TMEM164: variants seen among roughly 807,000 people sequenced by gnomAD.
The protein encoded by TMEM164 is transmembrane protein 164.
In TMEM164, 4 loss-of-function variants were observed where a neutral mutation model predicts 18.8. That is an observed-to-expected ratio of 0.21 (90% CI 0.10 to 0.49). TMEM164 has a LOEUF of 0.49. Ranked by LOEUF, TMEM164 falls within the 20% of genes least tolerant of loss-of-function variation. The pLI, the probability that TMEM164 is intolerant of heterozygous loss-of-function variation, is 0.98. For synonymous variants in TMEM164, 86 were observed against 101.7 expected, an observed-to-expected ratio of 0.85 and a Z score of 0.93; for missense variants, 108 against 239.9, an observed-to-expected ratio of 0.45 and a Z score of 3.63.
At chrX:110,020,610 G>A in intron 2 of TMEM164, 1 of 754,332 alleles carries the variant, frequency 1.3e-6, no homozygotes, top group Non-Finnish European at 1.6e-6. Flanking sequence ...GGCAGGAGCT[G>A]GTCCTCTATG....
chrX:110,175,949 T>C lies in TMEM164; in HGVS notation c.*2498T>C. 27 of 756,515 alleles carry C rather than the reference T, an allele frequency of 3.6e-5. No homozygotes were observed. The highest frequency in any genetic ancestry group is 4.2e-5 in the Non-Finnish European group (27 of 639,653). 62.3% of individuals were successfully genotyped at this position (756,515 alleles called of 1,213,427 possible). On this transcript the variant is annotated 3_prime_UTR_variant, in exon 7 of 7. Coordinates refer to ENST00000372068, the MANE Select transcript of TMEM164 (RefSeq NM_032227.4). The stretch of plus-strand genomic sequence containing the variant: ...TCATATCTGCCCTGTGCCGGCCCTC[T>C]ACTGCCCCAGCTTTGGTACAGGAGT...
At chrX:110,039,057 T>G (rs1023511066) in intron 2 of TMEM164, among the ~76,000 whole-genome samples, 10 of 111,676 alleles carry the variant, frequency 9.0e-5, no homozygotes, top group Non-Finnish European at 9.4e-5. Flanking sequence ...TTGGGGAAGT[T>G]TCTTAATTTC....
At position 110,144,857 on chromosome X, in the gene TMEM164, C is replaced by G. The variant is rs199774620; in HGVS notation, c.567C>G (p.Ile189Met). Reference sequence around the variant, plus strand: ...ATGTTATGCTCTACGTGGTACCCATCTACCTGCTTTGGAAAGGAGGTAAGG... The same window carrying G: ...ATGTTATGCTCTACGTGGTACCCATGTACCTGCTTTGGAAAGGAGGTAAGG... The part of the protein sequence containing the change: ...IQHVMLYVVP[I>M]YLLWKGGAYT... Residue 189 changes from isoleucine (I) to methionine (M), a missense_variant, in exon 5 of 7, where the codon ATC becomes ATG. Transcript: ENST00000372068. The G allele has an allele frequency of 7.8e-5, 94 of 1,204,702 alleles. No homozygotes were observed. The highest frequency in any genetic ancestry group is 9.1e-5 in the Non-Finnish European group (81 of 891,397).
chrX:110,037,845 A>G (rs1367007487), intron 2 of TMEM164, among the ~76,000 whole-genome samples: 1 of 111,732 alleles, frequency 8.9e-6, no homozygotes, highest in Non-Finnish European at 1.9e-5. Flanking sequence ...TTGAATTAAT[A>G]TTTCTTCCCA....
chrX:110,106,848 G>A (rs1163283217), intron 3 of TMEM164, among the ~76,000 whole-genome samples: 1 of 111,840 alleles, frequency 8.9e-6, no homozygotes, highest in East Asian at 2.8e-4. Context: ...AGTGAGGCTT[G>A]AGCCAGATTT....
intron 2 of TMEM164, among the ~76,000 whole-genome samples, chrX:110,037,774 TAGG>T (rs1322570638): frequency 8.9e-6 from 1 of 112,206 alleles, no homozygotes; most frequent in Non-Finnish European, 1.9e-5. Flanking sequence ...ATTTTACTGT[TAGG>T]AGAATATTTT....
chrX:110,178,575 G>A (rs778095694), downstream of TMEM164, among the ~76,000 whole-genome samples: 12 of 112,433 alleles, frequency 1.1e-4, no homozygotes, highest in South Asian at 1.8e-3. Context: ...GGCAGCCAGT[G>A]CAGGTGGATC....
intron 5 of TMEM164, among the ~76,000 whole-genome samples, chrX:110,146,810 C>T (rs1282948839): frequency 8.9e-6 from 1 of 112,305 alleles, no homozygotes. Flanking sequence ...CACCTTTGAT[C>T]CCAAGCCTTG....
chrX:110,105,425 G>T (rs2066174918), intron 3 of TMEM164, among the ~76,000 whole-genome samples: 1 of 109,797 alleles, frequency 9.1e-6, no homozygotes, highest in Non-Finnish European at 1.9e-5. Flanking sequence ...ATAGCCATTT[G>T]CCACACCCAT....
intron 3 of TMEM164, among the ~76,000 whole-genome samples, chrX:110,106,242 G>A (rs1251750960): frequency 9.0e-6 from 1 of 110,995 alleles, no homozygotes; most frequent in Non-Finnish European, 1.9e-5. Flanking sequence ...TTCATCTTTG[G>A]CCGTCCGTAG....
intron 4 of TMEM164, among the ~76,000 whole-genome samples, chrX:110,137,759 A>T (rs957706521): frequency 1.8e-5 from 2 of 112,491 alleles, no homozygotes; most frequent in African/African-American, 6.5e-5. Context: ...ACCCTGCAAG[A>T]TGTCTTCATT....
At chrX:110,155,247 T>C (rs1394582356) in intron 5 of TMEM164, among the ~76,000 whole-genome samples, 2 of 111,221 alleles carry the variant, frequency 1.8e-5, no homozygotes, top group African/African-American at 3.3e-5. Flanking sequence ...CTGGTTCTCC[T>C]ACTTCTCTGG....
At chrX:110,044,174 A>G (rs1394761471) in intron 2 of TMEM164, among the ~76,000 whole-genome samples, 4 of 112,643 alleles carry the variant, frequency 3.6e-5, no homozygotes, top group African/African-American at 1.3e-4. Flanking sequence ...AGTTACAGGA[A>G]AACTCAAACT....
chrX:110,155,348 A>G (rs1205124022), intron 5 of TMEM164, among the ~76,000 whole-genome samples: 1 of 110,640 alleles, frequency 9.0e-6, no homozygotes, highest in Non-Finnish European at 1.9e-5. Flanking sequence ...GAAGCAGTAC[A>G]GGTACTTCAA....
intron 4 of TMEM164, among the ~76,000 whole-genome samples, chrX:110,136,096 A>G (rs2066687403): frequency 8.9e-6 from 1 of 111,910 alleles, no homozygotes; most frequent in Non-Finnish European, 1.9e-5. Flanking sequence ...TTTTTAACCT[A>G]AGAACGGTAC....
intron 2 of TMEM164, among the ~76,000 whole-genome samples, chrX:110,008,423 A>C (rs1307487362): frequency 9.0e-6 from 1 of 111,675 alleles, no homozygotes; most frequent in East Asian, 2.8e-4. Flanking sequence ...GTTGGTGGGT[A>C]ATGGGTACAA....
chrX:110,084,402 A>AG, intron 3 of TMEM164, among the ~76,000 whole-genome samples: 1 of 84,711 alleles, frequency 1.2e-5, no homozygotes, highest in Non-Finnish European at 2.2e-5. Flanking sequence ...AGTATAGTAT[A>AG]TATATATAGT....
At chrX:110,152,741 C>T (rs908162635) in intron 5 of TMEM164, among the ~76,000 whole-genome samples, 1 of 111,339 alleles carries the variant, frequency 9.0e-6, no homozygotes, top group African/African-American at 3.3e-5. Flanking sequence ...ATCTCTAGGA[C>T]CAGTACCTTG....
rs763097225 is a variant in TMEM164 at position 110,099,323 on chromosome X, G to A, written c.441-9757G>A. 1.8e-3 allele frequency among the ~76,000 whole-genome samples: 192 copies of A among 109,306 alleles called. 11 individuals carry two copies. The highest frequency in any genetic ancestry group is 9.7e-4 in the Non-Finnish European group (51 of 52,578). The allele number at this position is 109,306 out of a possible 115,157, so 94.9% of individuals were successfully genotyped here. A position where few individuals can be genotyped will look rare whatever the true frequency, so the allele number is the denominator to read the frequency against. On this transcript the variant is annotated intron_variant, in intron 3 of 6. Coordinates refer to ENST00000372068, the MANE Select transcript of TMEM164 (RefSeq NM_032227.4). ...TTATGTATTGTGTTTTTGGTGTCATGTCTAAGAACTGTTTGCTTAACTGAA... is the reference window on the plus strand; with the variant it reads ...TTATGTATTGTGTTTTTGGTGTCATATCTAAGAACTGTTTGCTTAACTGAA...
Sources: allele counts gnomAD v4.1 joint callset (sites outside exome capture counted in the v4.1 genomes callset), GRCh38; gene constraint gnomAD v4.1.1; transcripts MANE v1.5; gene names NCBI Gene and HGNC (gene_info 2026-07-23, HGNC 2026-07-21).